BOD1L1: variants seen among roughly 807,000 people sequenced by gnomAD.
The protein encoded by BOD1L1 is biorientation of chromosomes in cell division 1 like 1.
In BOD1L1, 86 loss-of-function variants were observed where a neutral mutation model predicts 240.7. The observed-to-expected ratio is 0.36, with a 90% CI of 0.30 to 0.43. The LOEUF (loss-of-function observed/expected upper bound fraction) is 0.43. Ranked by LOEUF, BOD1L1 falls within the 20% of genes least tolerant of loss-of-function variation. The probability of loss-of-function intolerance (pLI) is 1.00; values close to 1 mark genes in which losing one functional copy is unlikely to be tolerated. For synonymous variants in BOD1L1, 1,268 were observed against 1,272.3 expected (o/e 1.00, Z 0.07); for missense variants, 3,554 against 3,643.5 (o/e 0.98, Z 0.63).
chr4:13,573,477 T>C (rs2108875026), intron 25 of BOD1L1, among the ~76,000 whole-genome samples: 1 of 148,572 alleles, frequency 6.7e-6, no homozygotes, highest in Non-Finnish European at 1.5e-5. Context: ...TCTATCTTTC[T>C]TTCTTTCTTT....
At chr4:13,578,663 G>A (rs989443614) in intron 22 of BOD1L1, among the ~76,000 whole-genome samples, 1 of 151,732 alleles carries the variant, frequency 6.6e-6, no homozygotes, top group African/African-American at 2.4e-5. Context: ...TTCTCCTGTG[G>A]AGGCCTCTGA....
At chr4:13,589,428 T>C (rs1463149621) in intron 14 of BOD1L1, among the ~76,000 whole-genome samples, 1 of 152,228 alleles carries the variant, frequency 6.6e-6, no homozygotes, top group Admixed American at 6.5e-5. Context: ...CAAAAAATAC[T>C]AACTGTGGTA....
At chr4:13,587,611 A>G (rs1015375039) in intron 16 of BOD1L1, 88 bp downstream of exon 16, 1 of 1,014,722 alleles carries the variant, frequency 9.9e-7, no homozygotes, top group Non-Finnish European at 1.5e-6. Flanking sequence ...ACTATCCTCA[A>G]AAATTCTCTA....
Position 13,581,071 on chromosome 4 carries a change from C to G in BOD1L1, c.8669-17G>C, listed in dbSNP as rs1443994598. Reference sequence around the variant, plus strand: ...AGTCGTCTTCTAAAAAAAAAAAATTCACTTAGAAAATCGGTTCGAAAATTT... The same window carrying G: ...AGTCGTCTTCTAAAAAAAAAAAATTGACTTAGAAAATCGGTTCGAAAATTT... On this transcript the variant is annotated splice_polypyrimidine_tract_variant and intron_variant, in intron 20 of 25. Coordinates refer to ENST00000040738, the MANE Select transcript of BOD1L1 (RefSeq NM_148894.3). The G allele has an allele frequency of 6.4e-7, 1 of 1,561,484 alleles. No individual in the cohort carries two copies. The highest frequency in any genetic ancestry group is 2.3e-5 in the East Asian group (1 of 43,106).
chr4:13,611,345 T>A (rs77784310), intron 5 of BOD1L1, among the ~76,000 whole-genome samples: 2,227 of 152,188 alleles, frequency 0.015, 57 homozygotes, highest in African/African-American at 0.051. Context: ...AAAAGGAAAA[T>A]TTCAGACAAA....
intron 2 of BOD1L1, among the ~76,000 whole-genome samples, chr4:13,616,933 G>T (rs1316635822): frequency 1.3e-5 from 2 of 152,152 alleles, no homozygotes; most frequent in African/African-American, 4.8e-5. Flanking sequence ...CTTAAAAAAG[G>T]TTTTAGGGTA....
At chr4:13,571,022 A>G (rs1001551266) in intron 25 of BOD1L1, among the ~76,000 whole-genome samples, 2 of 152,212 alleles carry the variant, frequency 1.3e-5, no homozygotes, top group African/African-American at 2.4e-5. Flanking sequence ...AATACCACTC[A>G]TATCACATCT....
Position 13,603,230 on chromosome 4 carries a change from T to C in BOD1L1, c.3670A>G (p.Ile1224Val). 1 of 1,614,050 alleles carries C rather than the reference T, an allele frequency of 6.2e-7. No homozygotes were observed. Among genetic ancestry groups the C allele is most frequent in the Non-Finnish European group, 8.5e-7 (1 of 1,179,892 alleles). ...SKMNPGEKEP[I>V]HRGTTEVNID... is the part of the protein sequence containing the mutation. ...TTCACTTCAGTAGTTCCTCTATGAA[T>C]GGGTTCTTTCTCCCCAGGGTTCATT... Residue 1224 changes from isoleucine (I) to valine (V), a missense_variant, in exon 10 of 26, where the codon ATT becomes GTT. Ile to Val is a conservative substitution (Grantham distance 29, BLOSUM62 3). Coordinates refer to ENST00000040738, the MANE Select transcript of BOD1L1 (RefSeq NM_148894.3).
Position 13,601,260 on chromosome 4 carries a change from A to C in BOD1L1, c.5640T>G (p.Ile1880Met). The C allele has an allele frequency of 6.2e-7, 1 of 1,613,862 alleles. No homozygotes were observed. The highest frequency in any genetic ancestry group is 1.3e-5 in the African/African-American group (1 of 74,996). ...ACCCTGTACAAGTTGAAGCATGCCC[A>C]ATTTCATTTCCTCTTCCAGTACTAG... is the stretch of plus-strand genomic sequence containing the variant. Reference protein sequence around the residue: ...VVTSTGRGNEIGHASTCTGLG... With the variant: ...VVTSTGRGNEMGHASTCTGLG... Residue 1880 changes from isoleucine (I) to methionine (M), a missense_variant, in exon 10 of 26, where the codon ATT becomes ATG. This residue lies in a region of BOD1L1 where 3,393 missense variants were observed against 3,427.1 expected (regional missense o/e 0.99). Transcript: ENST00000040738.
At position 13,608,652 on chromosome 4, in the gene BOD1L1, G is replaced by A. The variant is rs202157617; in HGVS notation, c.1620C>T (p.Asp540=). 1 of 1,523,888 alleles carries A rather than the reference G, an allele frequency of 6.6e-7. No homozygotes were observed. The highest frequency in any genetic ancestry group is 8.8e-7 in the Non-Finnish European group (1 of 1,138,528). 94.4% of individuals were successfully genotyped at this position (1,523,888 alleles called of 1,614,324 possible). Reference sequence around the variant, plus strand: ...AACTCTTTGTTGATGATTCTTCTAAGTCCACACTACTCCTGCCTAGAAAAG... The same window carrying A: ...AACTCTTTGTTGATGATTCTTCTAAATCCACACTACTCCTGCCTAGAAAAG... ...KTKGQGRSSV[D]LEESSTKSLE... Residue 540 remains aspartate (D), a synonymous_variant, in exon 8 of 26, where the codon GAC becomes GAT. Transcript: ENST00000040738.
intron 1 of BOD1L1, among the ~76,000 whole-genome samples, chr4:13,620,692 A>G (rs1446766771): frequency 1.3e-5 from 2 of 152,180 alleles, no homozygotes; most frequent in African/African-American, 4.8e-5. Context: ...TAGAACAGCT[A>G]AGCTTTCTGA....
At chr4:13,593,085 A>T (rs1714342768) in intron 12 of BOD1L1, 1 of 152,194 alleles carries the variant, frequency 6.6e-6, no homozygotes, top group Admixed American at 6.5e-5. Context: ...GCTCACTGGA[A>T]GTTTGACTTT....
At chr4:13,580,512 A>G (rs1713139859) in intron 21 of BOD1L1, among the ~76,000 whole-genome samples, 1 of 152,180 alleles carries the variant, frequency 6.6e-6, no homozygotes, top group Non-Finnish European at 1.5e-5. Flanking sequence ...CCTCCTTATA[A>G]TAATCCATTG....
chr4:13,586,520 T>A, intron 16 of BOD1L1, 45 bp from the exon 17 acceptor site: 1 of 1,323,872 alleles, frequency 7.6e-7, no homozygotes, highest in South Asian at 1.3e-5. Flanking sequence ...AAAAGCTAAA[T>A]GAAAAATGAA....
intron 12 of BOD1L1, among the ~76,000 whole-genome samples, chr4:13,594,451 C>T (rs1001292902): frequency 1.3e-5 from 2 of 152,192 alleles, no homozygotes; most frequent in African/African-American, 4.8e-5. Flanking sequence ...TATGGTCCAG[C>T]CTCTCTGGGG....
rs1036162341 is a variant in BOD1L1, at chr4:13,620,065, A to C, written c.246T>G (p.Pro82=). The C allele has an allele frequency of 6.3e-7, 1 of 1,594,466 alleles. No individual in the cohort carries two copies. The highest frequency in any genetic ancestry group is 1.3e-5 in the African/African-American group (1 of 74,578). The change falls in exon 2 of 26, where the codon CCT becomes CCG. Residue 82 remains proline, a splice_region_variant and synonymous_variant. Coordinates refer to ENST00000040738, the MANE Select transcript of BOD1L1 (RefSeq NM_148894.3). The part of the protein sequence containing the change: ...RDCLADVDTK[P]AYQNLRQRVD... Reference sequence around the variant, plus strand: ...CACGCTGTCTCAGATTCTGATACGCAGGCTAGAGAGAAAAAAACGAAGGTA... The same window carrying C: ...CACGCTGTCTCAGATTCTGATACGCCGGCTAGAGAGAAAAAAACGAAGGTA...
intron 17 of BOD1L1, among the ~76,000 whole-genome samples, chr4:13,585,166 C>A (rs145069360): frequency 6.6e-6 from 1 of 152,242 alleles, no homozygotes; most frequent in East Asian, 1.9e-4. Flanking sequence ...CTGTTTCTTC[C>A]TTTGGTCAGA....
chr4:13,577,056 T>C, intron 24 of BOD1L1, 65 bp from the exon 25 acceptor site: 7 of 1,559,736 alleles, frequency 4.5e-6, no homozygotes, highest in Non-Finnish European at 6.1e-6. Context: ...AGAGAGAGAG[T>C]CATGGAGTTT....
rs1414737658 is a variant in BOD1L1, at chr4:13,599,122, G to A, written c.7778C>T (p.Ala2593Val). The A allele has an allele frequency of 6.2e-7, 1 of 1,613,990 alleles. No homozygotes were observed. The highest frequency in any genetic ancestry group is 8.5e-7 in the Non-Finnish European group (1 of 1,179,886). The change falls in exon 10 of 26, where the codon GCT becomes GTT. Residue 2593 changes from alanine to valine, a missense_variant. This residue lies in a region of BOD1L1 where 3,393 missense variants were observed against 3,427.1 expected (regional missense o/e 0.99). Coordinates refer to ENST00000040738, the MANE Select transcript of BOD1L1 (RefSeq NM_148894.3). ...CTGCTCACATTTAGGAGCCAACAGA[G>A]CTACACTGTAAGTAGCTGGAGGGAT... ...TMIPPATYSV[A>V]LLAPKCEQDL...
Sources: gnomAD v4.1 joint callset for allele counts (sites outside exome capture counted in the v4.1 genomes callset) on GRCh38, gnomAD v4.1.1 for gene constraint, gnomAD v4.1.1 regional missense constraint, MANE v1.5 for transcripts, NCBI Gene and HGNC (gene_info 2026-07-23, HGNC 2026-07-21) for gene names.